Variants in LLGL2 observed in about 807,000 individuals in gnomAD.
LLGL2 encodes LLGL2, scribble cell polarity complex component.
Under a neutral mutation model 123.2 loss-of-function variants are expected in LLGL2, and 81 were observed. That is an observed-to-expected ratio of 0.66 (90% CI 0.55 to 0.79). LLGL2 has a LOEUF of 0.79. Among genes scored for constraint, LLGL2 ranks in the 30% least tolerant of loss-of-function variants. LLGL2 has a pLI of 0.00. For missense variants in LLGL2, 1,273 were observed against 1,414.6 expected, an observed-to-expected ratio of 0.90 and a Z score of 1.61; for synonymous variants, 577 against 594.1, an observed-to-expected ratio of 0.97 and a Z score of 0.42.
Position 75,543,446 on chromosome 17 carries a change from C to T in LLGL2, c.20C>T (p.Pro7Leu), listed in dbSNP as rs2054293680. 12 of 1,608,982 alleles carry T rather than the reference C, an allele frequency of 7.5e-6. No homozygotes were observed. The South Asian group carries it at 7.7e-5, about 10-fold the overall frequency. ...AGCAAAATGAGGCGGTTCCTGAGGC[C>T]AGGGCATGACCCTGTGCGGGAGAGG... MRRFLRPGHDPVRERLK... is the reference protein window; with the variant it reads MRRFLRLGHDPVRERLK... The change falls in exon 2 of 26, where the codon CCA becomes CTA. Residue 7 changes from proline to leucine, a missense_variant. Pro to Leu is a moderately conservative substitution (Grantham distance 98). Transcript: ENST00000392550.
Position 75,558,286 on chromosome 17 carries a change from T to A in LLGL2, c.255+50T>A. 6.5e-7 allele frequency: 1 copy of A among 1,535,408 alleles called. No homozygotes were observed. The highest frequency in any genetic ancestry group is 1.1e-5 in the South Asian group (1 of 88,970). On this transcript the variant is annotated intron_variant, in intron 4 of 25. Transcript: ENST00000392550. The surrounding 1 kb of genome is among the most constrained non-coding windows in gnomAD (Gnocchi z 4.0). ...AAGCCACTTCCATGCCCTCCTTGCC[T>A]TCACTGCTTCCAGCAGGGCTGGTGT...
intron 3 of LLGL2, 81 bp downstream of exon 3, chr17:75,556,224 G>A (rs1008206292): frequency 1.8e-5 from 20 of 1,100,468 alleles, no homozygotes; most frequent in Non-Finnish European, 2.4e-5. Flanking sequence ...TTCCTTCCTT[G>A]CCCGTGGGCT....
chr17:75,555,129 A>C (rs1250002469), intron 2 of LLGL2, among the ~76,000 whole-genome samples: 1 of 151,284 alleles, frequency 6.6e-6, no homozygotes, highest in Non-Finnish European at 1.5e-5. Context: ...GTGAGCCGAG[A>C]TCGCACCACT....
intron 2 of LLGL2, among the ~76,000 whole-genome samples, chr17:75,555,600 C>T (rs746789115): frequency 6.6e-6 from 1 of 152,082 alleles, no homozygotes; most frequent in Non-Finnish European, 1.5e-5. Flanking sequence ...CTCCGCGGTA[C>T]TCTAGGCCCC....
chr17:75,565,051 C>G (rs921524927), intron 10 of LLGL2, among the ~76,000 whole-genome samples: 1 of 152,146 alleles, frequency 6.6e-6, no homozygotes, highest in African/African-American at 2.4e-5. Flanking sequence ...GGCTCTCTGC[C>G]CTTTCCAGAC....
rs770727300 is a variant in LLGL2 at position 75,564,354 on chromosome 17, T to A, written c.883T>A (p.Leu295Met). The change falls in exon 10 of 26, where the codon TTG (leucine) becomes ATG (methionine). Residue 295 changes from leucine (L) to methionine (M), a missense_variant and splice_region_variant. Leu to Met is a conservative substitution (Grantham distance 15). Transcript: ENST00000392550. The surrounding 1 kb of genome is among the most constrained non-coding windows in gnomAD (Gnocchi z 4.9). ...CTGCCGCTCCTCTGTGCCTGCCAGG[T>A]TGCCCTTCACCATCTTCCAGGGTGG... ...RILWLTTRQG[L>M]PFTIFQGGMP... 1 of 1,607,504 alleles carries A rather than the reference T, an allele frequency of 6.2e-7. No homozygotes were observed. Among genetic ancestry groups the A allele is most frequent in the East Asian group, 2.2e-5 (1 of 44,820 alleles).
Position 75,570,420 on chromosome 17 carries a change from C to A in LLGL2, c.1947C>A (p.Ser649=). The part of the protein sequence containing the change: ...PLSRVKSLKK[S]LRQSFRRMRR... ...CCCGCGTCAAGTCCCTCAAGAAGTC[C>A]TTGCGTCAGTCATTCCGCCGGATGC... Residue 649 remains serine, a synonymous_variant, in exon 16 of 26, where the codon TCC becomes TCA. Coordinates refer to ENST00000392550, the MANE Select transcript of LLGL2 (RefSeq NM_001031803.2). The A allele has an allele frequency of 6.2e-7, 1 of 1,608,516 alleles. No homozygotes were observed. Among genetic ancestry groups the A allele is most frequent in the East Asian group, 2.2e-5 (1 of 44,666 alleles).
chr17:75,571,568 C>T (rs1859228025), intron 17 of LLGL2, 99 bp from the exon 18 acceptor site: 1 of 858,362 alleles, frequency 1.2e-6, no homozygotes, highest in Middle Eastern at 3.3e-4. Flanking sequence ...AGCCTTCCAG[C>T]CTCTCCCAGG....
rs2055870505 is a variant in LLGL2, at chr17:75,574,254, G to A, written c.2947G>A (p.Asp983Asn). ...GGTGATGGAGCGCGCTCTGCTCAGT[G>A]ATGAGAGTGAGTTGGGTGGGAGAGG... ...GLVMERALLS[D>N]ERVLKEIQST... is the part of the protein sequence containing the mutation. The change falls in exon 23 of 26, where the codon GAT becomes AAT. Residue 983 changes from aspartate to asparagine, a missense_variant. Coordinates refer to ENST00000392550, the MANE Select transcript of LLGL2 (RefSeq NM_001031803.2). The A allele has an allele frequency of 1.7e-6, 2 of 1,153,314 alleles. No homozygotes were observed. Among genetic ancestry groups the A allele is most frequent in the Non-Finnish European group, 2.3e-6 (2 of 854,484 alleles). The allele number at this position is 1,153,314 out of a possible 1,614,324, so 71.4% of individuals were successfully genotyped here.
At position 75,559,368 on chromosome 17, in the gene LLGL2, C is replaced by T. The variant is rs758953390; in HGVS notation, c.488C>T (p.Ala163Val). The T allele has an allele frequency of 1.7e-5, 27 of 1,613,038 alleles. No individual in the cohort carries two copies. The highest frequency in any genetic ancestry group is 2.2e-5 in the East Asian group (1 of 44,846). Residue 163 changes from alanine (A) to valine (V), a missense_variant, in exon 6 of 26, where the codon GCG (alanine) becomes GTG (valine). Coordinates refer to ENST00000392550, the MANE Select transcript of LLGL2 (RefSeq NM_001031803.2). This position sits in a 1 kb window ranked among gnomAD's most constrained non-coding sequence, Gnocchi z 4.6. ...VFVVQLPAFR[A>V]LEDRTISSDA... The stretch of plus-strand genomic sequence containing the variant: ...GTGGTGCAGCTGCCAGCTTTTCGTG[C>T]GCTGGAGGACCGGACCATCAGCTCG...
At position 75,528,146 on chromosome 17, in the gene LLGL2, C is replaced by T. The variant is rs61539483; in HGVS notation, c.-31+2321C>T. On this transcript the variant is annotated intron_variant, in intron 1 of 25. Transcript: ENST00000392550. ...ATTTATTTATTTTGAGACAGAGTCT[C>T]GCTCTGTCACCCAGGCTGGAGTGCA... 7.2e-3 allele frequency among the ~76,000 whole-genome samples: 1,069 copies of T among 147,708 alleles called. 14 individuals carry two copies. The highest frequency in any genetic ancestry group is 0.025 in the African/African-American group (1,010 of 40,236).
At chr17:75,554,302 CAAAAAAA>C (rs72439797) in intron 2 of LLGL2, among the ~76,000 whole-genome samples, 116 of 134,004 alleles carry the variant, frequency 8.7e-4, no homozygotes, top group Non-Finnish European at 1.4e-3. Context: ...AACTCCGTCT[CAAAAAAA>C]AAAAAAAAAA....
In LLGL2 at chr17:75,558,995, A is replaced by C; in HGVS notation, c.372-257A>C. ...CCTCCATCCGCACCCCGCCTCCTCC[A>C]TCTGCACCCCGCCTCCTCCATCCGC... On this transcript the variant is annotated intron_variant, in intron 5 of 25. Transcript: ENST00000392550. The surrounding 1 kb of genome is among the most constrained non-coding windows in gnomAD (Gnocchi z 4.0). The C allele has an allele frequency of 1.8e-6, 1 of 552,312 alleles. No homozygotes were observed. The highest frequency in any genetic ancestry group is 3.2e-6 in the Non-Finnish European group (1 of 309,696). 34.2% of individuals were successfully genotyped at this position (552,312 alleles called of 1,614,324 possible). A position where few individuals can be genotyped will look rare whatever the true frequency, so the allele number is the denominator to read the frequency against.
chr17:75,547,919 C>T (rs951605302), intron 2 of LLGL2, among the ~76,000 whole-genome samples: 2 of 151,960 alleles, frequency 1.3e-5, no homozygotes, highest in African/African-American at 2.4e-5. Context: ...TCTTGTTATG[C>T]AGAGAAGGTC....
chr17:75,536,376 C>A (rs533821090), intron 1 of LLGL2, among the ~76,000 whole-genome samples: 1 of 152,314 alleles, frequency 6.6e-6, no homozygotes, highest in East Asian at 1.9e-4. Context: ...CCTGGCCCTG[C>A]TTTAAAGCCT....
chr17:75,546,174 A>C (rs1304286647), intron 2 of LLGL2: 1 of 152,392 alleles, frequency 6.6e-6, no homozygotes, highest in Non-Finnish European at 1.5e-5. Flanking sequence ...TGACCTGGGT[A>C]GGTGGTGGTG....
chr17:75,563,598 C>T, intron 8 of LLGL2, 135 bp downstream of exon 8: 1 of 1,487,134 alleles, frequency 6.7e-7, no homozygotes, highest in Middle Eastern at 2.0e-4. Context: ...CAGGGTTCGC[C>T]TCACCCAGTT....
At chr17:75,543,312 G>A in intron 1 of LLGL2, 85 bp from the exon 2 acceptor site, 1 of 900,280 alleles carries the variant, frequency 1.1e-6, no homozygotes, top group Non-Finnish European at 1.7e-6. Flanking sequence ...CTTGGAGAGA[G>A]AGGCCCTGCT....
chr17:75,554,724 C>T (rs1440059702), intron 2 of LLGL2, among the ~76,000 whole-genome samples: 3 of 148,938 alleles, frequency 2.0e-5, no homozygotes, highest in African/African-American at 5.0e-5. Flanking sequence ...CCCGTCTCTA[C>T]TAAAAATACA....
Sources: gnomAD v4.1 joint callset for allele counts (sites outside exome capture counted in the v4.1 genomes callset) on GRCh38, gnomAD v4.1.1 for gene constraint, Gnocchi (gnomAD v3.1) non-coding constraint, MANE v1.5 for transcripts, NCBI Gene and HGNC (gene_info 2026-07-23, HGNC 2026-07-21) for gene names.